The following RDH11 variants were observed in gnomAD, a reference collection of about 807,000 sequenced individuals.
RDH11 encodes HCV core-binding protein HCBP12.
RDH11 carries 19 observed loss-of-function variants against 33.4 expected under a neutral mutation model. That is an observed-to-expected ratio of 0.57 (90% CI 0.40 to 0.83). The LOEUF is 0.83. Ranked by LOEUF, RDH11 falls within the 40% of genes least tolerant of loss-of-function variation. The pLI is 0.00. For synonymous variants in RDH11, 154 were observed against 155.3 expected, an observed-to-expected ratio of 0.99 and a Z score of 0.06; for missense variants, 353 against 389.0, an observed-to-expected ratio of 0.91 and a Z score of 0.78.
rs773243578 is a variant in RDH11, at chr14:67,695,658, G to C, written c.46C>G (p.Leu16Val). The part of the protein sequence containing the change: ...FPLLLLLLPF[L>V]LYMAAPQIRK... ...ATTTGGGGCGCAGCCATATACAGAA[G>C]GAAGGGCAGAAGGAGGAGCAACAGC... The change falls in exon 1 of 7, where the codon CTT (leucine) becomes GTT (valine). Residue 16 changes from leucine to valine, a missense_variant. Leu to Val is a conservative substitution (Grantham distance 32, BLOSUM62 1). Coordinates refer to ENST00000381346, the MANE Select transcript of RDH11 (RefSeq NM_016026.4). 5.6e-6 allele frequency: 9 copies of C among 1,614,092 alleles called. No homozygotes were observed. Among genetic ancestry groups the C allele is most frequent in the South Asian group, 3.3e-5 (3 of 91,092 alleles).
rs577054574 is a variant in RDH11, at chr14:67,678,945, C to T, written c.855-522G>A. Among the ~76,000 whole-genome samples, 13 of 152,182 alleles carry T rather than the reference C, an allele frequency of 8.5e-5. No individual in the cohort carries two copies. In the East Asian group the frequency reaches 1.7e-3, roughly 20 times the overall value. ...CGAAAACAACAAAAGGAAAAGGCGA[C>T]ACAGAAAAGAAATGGTAAAACCAAG... On this transcript the variant is annotated intron_variant, in intron 6 of 6. Coordinates refer to ENST00000381346, the MANE Select transcript of RDH11 (RefSeq NM_016026.4).
intron 4 of RDH11, 171 bp downstream of exon 4, chr14:67,690,969 A>C: frequency 1.6e-6 from 1 of 624,214 alleles, no homozygotes; most frequent in Non-Finnish European, 2.9e-6. Flanking sequence ...CAGAACCTGG[A>C]GCAGCCCTCA....
chr14:67,693,830 T>C (rs1395031191), intron 1 of RDH11, among the ~76,000 whole-genome samples: 2 of 152,066 alleles, frequency 1.3e-5, no homozygotes, highest in Admixed American at 1.3e-4. Context: ...TTTGTATTTT[T>C]AGTAGAGACA....
chr14:67,684,704 T>C (rs2037655017), intron 6 of RDH11: 1 of 185,226 alleles, frequency 5.4e-6, no homozygotes, highest in Non-Finnish European at 1.1e-5. Context: ...AAATTCTTTT[T>C]AAATTCTTTT....
At chr14:67,695,301 C>A (rs758438650) in intron 1 of RDH11, among the ~76,000 whole-genome samples, 14 of 152,188 alleles carry the variant, frequency 9.2e-5, no homozygotes, top group Non-Finnish European at 1.8e-4. Flanking sequence ...GGCCATATCC[C>A]ATTGAAGAGT....
rs769910083 is a variant in RDH11 at position 67,695,654 on chromosome 14, A to G, written c.50T>C (p.Leu17Pro). The G allele has an allele frequency of 3.1e-6, 5 of 1,614,176 alleles. No homozygotes were observed. The Admixed American group carries it at 8.3e-5, about 27-fold the overall frequency. ...CCTGATTTGGGGCGCAGCCATATAC[A>G]GAAGGAAGGGCAGAAGGAGGAGCAA... ...PLLLLLLPFL[L>P]YMAAPQIRKM... is the part of the protein sequence containing the mutation. The change falls in exon 1 of 7, where the codon CTG (leucine) becomes CCG (proline). Residue 17 changes from leucine (L) to proline (P), a missense_variant. By Grantham distance (98) the Leu-to-Pro change is moderately conservative. Transcript: ENST00000381346.
chr14:67,692,349 C>A lies in RDH11; in HGVS notation c.349+89G>T, dbSNP rs1046773861. 2.8e-6 allele frequency: 4 copies of A among 1,428,304 alleles called. No individual in the cohort carries two copies. The African/African-American group carries it at 5.8e-5, about 21-fold the overall frequency. 88.5% of individuals were successfully genotyped at this position (1,428,304 alleles called of 1,614,324 possible). ...TTTGGCTATATTTTATCCACCACTTCTATGAGGAAGAGGGACCTTTTCCTT... is the reference window on the plus strand; with the variant it reads ...TTTGGCTATATTTTATCCACCACTTATATGAGGAAGAGGGACCTTTTCCTT... On this transcript the variant is annotated intron_variant, in intron 3 of 6. Transcript: ENST00000381346.
intron 6 of RDH11, among the ~76,000 whole-genome samples, chr14:67,680,557 C>G (rs1449046473): frequency 6.6e-6 from 1 of 152,192 alleles, no homozygotes; most frequent in Non-Finnish European, 1.5e-5. Context: ...TCCCCAGGCT[C>G]AGGTGATCCT....
chr14:67,691,058 C>G (rs997741525), intron 4 of RDH11, 82 bp downstream of exon 4: 9 of 886,546 alleles, frequency 1.0e-5, no homozygotes, highest in Non-Finnish European at 1.7e-5. Flanking sequence ...AATCACACAA[C>G]AAGAAGCCTC....
At chr14:67,694,448 A>G (rs1212625645) in intron 1 of RDH11, among the ~76,000 whole-genome samples, 1 of 134,964 alleles carries the variant, frequency 7.4e-6, no homozygotes, top group Non-Finnish European at 1.6e-5. Flanking sequence ...ATATATATAT[A>G]TATACACACA....
chr14:67,686,594 G>A lies in RDH11; in HGVS notation c.665-1390C>T, dbSNP rs1324931751. On this transcript the variant is annotated intron_variant, in intron 5 of 6. Coordinates refer to ENST00000381346, the MANE Select transcript of RDH11 (RefSeq NM_016026.4). ...ACAGAGGTTGTAGTGAGCCGATATCGTGCCACTGCACTCCAGCCTGGGCGA... is the reference window on the plus strand; with the variant it reads ...ACAGAGGTTGTAGTGAGCCGATATCATGCCACTGCACTCCAGCCTGGGCGA... Among the ~76,000 whole-genome samples the A allele has an allele frequency of 3.5e-5, 5 of 141,330 alleles. No homozygotes were observed. The East Asian group carries it at 6.3e-4, about 18-fold the overall frequency. 92.7% of individuals were successfully genotyped at this position (141,330 alleles called of 152,430 possible). A position where few individuals can be genotyped will look rare whatever the true frequency, so the allele number is the denominator to read the frequency against.
In RDH11 at chr14:67,685,067, G is replaced by A; in HGVS notation, c.802C>T (p.Leu268=). ...AGACCTTCTGTTAAGGCACAGTGCA[G>A]GCTGGTCTGGGCTCCCTGCTGAGGA... ...KTPQQGAQTS[L]HCALTEGLEI... Residue 268 remains leucine, a synonymous_variant, in exon 6 of 7, where the codon CTG becomes TTG. Transcript: ENST00000381346. 1.2e-6 allele frequency: 2 copies of A among 1,614,190 alleles called. No individual in the cohort carries two copies. Among genetic ancestry groups the A allele is most frequent in the Non-Finnish European group, 1.7e-6 (2 of 1,180,024 alleles).
chr14:67,683,515 G>A (rs1276821781), intron 6 of RDH11, among the ~76,000 whole-genome samples: 2 of 152,072 alleles, frequency 1.3e-5, no homozygotes, highest in African/African-American at 4.8e-5. Context: ...ACTTTGTTTC[G>A]GCAATAGCAA....
chr14:67,691,084 T>C, intron 4 of RDH11, 56 bp downstream of exon 4: 2 of 1,172,946 alleles, frequency 1.7e-6, no homozygotes, highest in Non-Finnish European at 2.6e-6. Flanking sequence ...GACCCCTAAG[T>C]TTCCCAAAGA....
rs606231423 is a variant in RDH11, at chr14:67,692,588, G to A, written c.199C>T (p.Arg67Ter). 15 of 1,570,784 alleles carry A rather than the reference G, an allele frequency of 9.5e-6. No homozygotes were observed. The highest frequency in any genetic ancestry group is 2.3e-5 in the East Asian group (1 of 43,622). ...ACATCCCGGCAAGCTAAATATACTCGAGCTCCTGTCAGCCAACATATGAAA... is the reference window on the plus strand; with the variant it reads ...ACATCCCGGCAAGCTAAATATACTCAAGCTCCTGTCAGCCAACATATGAAA... The part of the protein sequence containing the change: ...TAKELAQRGA[R>*]VYLACRDVEK... The change falls in exon 3 of 7, where the codon CGA becomes TGA. Residue 67 changes from arginine to a stop codon, truncating the protein, a stop_gained. Transcript: ENST00000381346. LOFTEE classifies it high-confidence loss of function.
chr14:67,691,250 G>A lies in RDH11; in HGVS notation c.350-6C>T, dbSNP rs766975345. 6.2e-7 allele frequency: 1 copy of A among 1,606,224 alleles called. No homozygotes were observed. Among genetic ancestry groups the A allele is most frequent in the Admixed American group, 1.7e-5 (1 of 60,012 alleles). On this transcript the variant is annotated splice_region_variant and splice_polypyrimidine_tract_variant and intron_variant, in intron 3 of 6. Transcript: ENST00000381346. ...AACGTGGAGGTGCTTTTCCTCTGCA[G>A]GGACAAGACGATGGAGCGTGGAAGT... is the stretch of plus-strand genomic sequence containing the variant.
At chr14:67,695,101 C>T (rs1253058225) in intron 1 of RDH11, among the ~76,000 whole-genome samples, 2 of 152,308 alleles carry the variant, frequency 1.3e-5, no homozygotes, top group East Asian at 3.9e-4. Context: ...TAACCAAACA[C>T]TCTTCCTTTT....
chr14:67,686,348 G>A (rs1232474085), intron 5 of RDH11: 1 of 152,176 alleles, frequency 6.6e-6, no homozygotes, highest in Non-Finnish European at 1.5e-5. Context: ...TTAAAAGAGT[G>A]CCTGATGCAG....
At chr14:67,690,740 T>G in intron 4 of RDH11, 1 of 393,248 alleles carries the variant, frequency 2.5e-6, no homozygotes, top group African/African-American at 2.0e-5. Flanking sequence ...TCTCAGCACT[T>G]AAAGAGGCTG....
Sources: allele counts gnomAD v4.1 joint callset (sites outside exome capture counted in the v4.1 genomes callset), GRCh38; gene constraint gnomAD v4.1.1; transcripts MANE v1.5; gene names NCBI Gene and HGNC (gene_info 2026-07-23, HGNC 2026-07-21).